The following NOL4L variants were observed in gnomAD, a reference collection of about 807,000 sequenced individuals.
NOL4L encodes the protein nucleolar protein 4-like.
NOL4L carries 7 observed loss-of-function variants against 64.5 expected under a neutral mutation model. The ratio of observed to expected loss-of-function variants is 0.11; its 90% CI spans 0.06 to 0.20. The LOEUF (loss-of-function observed/expected upper bound fraction) is 0.20. Ranked by LOEUF, NOL4L falls within the 10% of genes least tolerant of loss-of-function variation. NOL4L has a pLI of 1.00. For missense variants in NOL4L, 680 were observed against 967.1 expected (o/e 0.70, Z 3.94); for synonymous variants, 413 against 401.0 (o/e 1.03, Z -0.36).
At chr20:32,550,085 G>A (rs558795738) in intron 1 of NOL4L, among the ~76,000 whole-genome samples, 2 of 152,324 alleles carry the variant, frequency 1.3e-5, no homozygotes, top group Admixed American at 6.5e-5. Flanking sequence ...CAATAAAAAG[G>A]AATGAAGTAC....
intron 1 of NOL4L, among the ~76,000 whole-genome samples, chr20:32,530,605 T>G (rs922234799): frequency 6.6e-6 from 1 of 151,574 alleles, no homozygotes; most frequent in Non-Finnish European, 1.5e-5. Flanking sequence ...TATAGAAGTG[T>G]GTTCAATTTA....
intron 4 of NOL4L, among the ~76,000 whole-genome samples, chr20:32,484,435 C>T (rs2015956989): frequency 6.6e-6 from 1 of 152,108 alleles, no homozygotes; most frequent in South Asian, 2.1e-4. Flanking sequence ...CCGTCTCGCT[C>T]TTCACTCTTC....
At chr20:32,526,154 C>T (rs751072879) in intron 2 of NOL4L, among the ~76,000 whole-genome samples, 42 of 152,182 alleles carry the variant, frequency 2.8e-4, no homozygotes, top group South Asian at 4.2e-4. Context: ...CCTTCCAAAG[C>T]GCTGGGATTA....
intron 4 of NOL4L, among the ~76,000 whole-genome samples, chr20:32,508,495 G>A (rs1331924726): frequency 6.6e-6 from 1 of 152,234 alleles, no homozygotes; most frequent in East Asian, 1.9e-4. Flanking sequence ...TTTGCATGGA[G>A]TGCTGAAGAC....
intron 1 of NOL4L, among the ~76,000 whole-genome samples, chr20:32,553,136 C>G (rs753329212): frequency 6.6e-6 from 1 of 152,172 alleles, no homozygotes; most frequent in Non-Finnish European, 1.5e-5. Flanking sequence ...AATCCTGTGG[C>G]GCGCCCTTCA....
At chr20:32,516,535 C>G (rs2017671678) in intron 3 of NOL4L, among the ~76,000 whole-genome samples, 1 of 152,180 alleles carries the variant, frequency 6.6e-6, no homozygotes, top group Non-Finnish European at 1.5e-5. Flanking sequence ...CGGAATGGGA[C>G]TCACGAACTA....
At chr20:32,468,076 A>AG (rs2014702373) in intron 5 of NOL4L, among the ~76,000 whole-genome samples, 1 of 152,142 alleles carries the variant, frequency 6.6e-6, no homozygotes, top group African/African-American at 2.4e-5. Flanking sequence ...TGCCAGGATG[A>AG]GGGGCCACAG....
chr20:32,516,381 G>A (rs2017661270), intron 3 of NOL4L, among the ~76,000 whole-genome samples: 1 of 152,204 alleles, frequency 6.6e-6, no homozygotes, highest in Non-Finnish European at 1.5e-5. Flanking sequence ...GGGAACGTGA[G>A]GAAACTGTGT....
intron 4 of NOL4L, chr20:32,475,085 GCT>G (rs1271565927): frequency 1.0e-6 from 1 of 985,358 alleles, no homozygotes; most frequent in African/African-American, 1.7e-5. Flanking sequence ...GCCGCTCCCT[GCT>G]CTCAGCCCAG....
At chr20:32,530,497 C>G (rs1000072307) in intron 1 of NOL4L, among the ~76,000 whole-genome samples, 6 of 151,500 alleles carry the variant, frequency 4.0e-5, no homozygotes, top group African/African-American at 1.5e-4. Flanking sequence ...GCCGAGATCG[C>G]GCCACCGCAC....
chr20:32,552,075 T>C (rs1488325392), intron 1 of NOL4L, among the ~76,000 whole-genome samples: 1 of 152,186 alleles, frequency 6.6e-6, no homozygotes, highest in East Asian at 1.9e-4. Context: ...AGGTATGAGC[T>C]ACTATGCTCA....
intron 2 of NOL4L, 25 bp from the exon 3 acceptor site, chr20:32,520,947 G>C: frequency 6.7e-7 from 1 of 1,500,620 alleles, no homozygotes; most frequent in Non-Finnish European, 9.1e-7. Context: ...AGCTTCGCTT[G>C]TTATATGGAT....
chr20:32,529,992 G>A (rs934689829), intron 1 of NOL4L, among the ~76,000 whole-genome samples: 15 of 152,078 alleles, frequency 9.9e-5, no homozygotes, highest in Non-Finnish European at 1.8e-4. Context: ...CACCCCCTCC[G>A]ACATCTCAGG....
intron 1 of NOL4L, among the ~76,000 whole-genome samples, chr20:32,539,599 C>A (rs551595085): frequency 6.6e-6 from 1 of 152,208 alleles, no homozygotes; most frequent in Non-Finnish European, 1.5e-5. Context: ...CCTGTCCCAT[C>A]GCTCCTCTTC....
At chr20:32,479,492 G>T (rs2015592706) in intron 4 of NOL4L, among the ~76,000 whole-genome samples, 1 of 152,220 alleles carries the variant, frequency 6.6e-6, no homozygotes, top group Non-Finnish European at 1.5e-5. Context: ...AACATTTTGG[G>T]AGGCTGAGGT....
intron 1 of NOL4L, among the ~76,000 whole-genome samples, chr20:32,552,249 T>G (rs1339618794): frequency 1.3e-5 from 2 of 151,636 alleles, no homozygotes; most frequent in African/African-American, 4.9e-5. Context: ...CATATATATG[T>G]ATAAAATATC....
chr20:32,540,611 C>T (rs1423659380), intron 1 of NOL4L, among the ~76,000 whole-genome samples: 1 of 152,102 alleles, frequency 6.6e-6, no homozygotes, highest in Admixed American at 6.5e-5. Flanking sequence ...CTGGGCTAAC[C>T]CATAATCAGA....
At chr20:32,538,416 A>G (rs1389708637) in intron 1 of NOL4L, among the ~76,000 whole-genome samples, 1 of 150,238 alleles carries the variant, frequency 6.7e-6, no homozygotes, top group African/African-American at 2.5e-5. Flanking sequence ...AGGCTATCTG[A>G]TCCCTTCCCC....
At chr20:32,475,974 G>A (rs1441522401) in intron 4 of NOL4L, among the ~76,000 whole-genome samples, 1 of 152,134 alleles carries the variant, frequency 6.6e-6, no homozygotes, top group Non-Finnish European at 1.5e-5. Flanking sequence ...TGGACCCTCT[G>A]CTGAATCCAG....
Sources: gnomAD v4.1 joint callset for allele counts (sites outside exome capture counted in the v4.1 genomes callset) on GRCh38, gnomAD v4.1.1 for gene constraint, MANE v1.5 for transcripts, NCBI Gene and HGNC (gene_info 2026-07-23, HGNC 2026-07-21) for gene names.